Variants in DNAJC15 observed in about 807,000 individuals in gnomAD.
The protein encoded by DNAJC15 is DnaJ heat shock protein family (Hsp40) member C15, also known as dnaJ homolog subfamily C member 15.
A neutral mutation model predicts 22.4 loss-of-function variants in DNAJC15; 27 were observed. That is an observed-to-expected ratio of 1.20 (90% confidence interval 0.89 to 1.66). DNAJC15 has a LOEUF of 1.66. Ranked by LOEUF, DNAJC15 falls within the 40% of genes most tolerant of loss-of-function variation. The pLI is 0.00. For synonymous variants in DNAJC15, 79 were observed against 63.2 expected, an observed-to-expected ratio of 1.25 and a Z score of -1.19; for missense variants, 208 against 187.1, an observed-to-expected ratio of 1.11 and a Z score of -0.65.
At chr13:43,075,169 T>C (rs2040627730) in intron 3 of DNAJC15, among the ~76,000 whole-genome samples, 1 of 152,166 alleles carries the variant, frequency 6.6e-6, no homozygotes, top group Non-Finnish European at 1.5e-5. Flanking sequence ...CTAGATCTTT[T>C]TGGAAGGGTT....
intron 1 of DNAJC15, among the ~76,000 whole-genome samples, chr13:43,056,826 C>G (rs2040533831): frequency 1.3e-5 from 2 of 152,156 alleles, no homozygotes; most frequent in South Asian, 4.1e-4. Flanking sequence ...GTAAGAACAG[C>G]CACTCCTGCT....
At position 43,108,374 on chromosome 13, in the gene DNAJC15, A is replaced by G. The variant is rs1276633544; in HGVS notation, c.*1126A>G. ...AGCCCTGTGACTTACACTGCATTAA[A>G]TTAATTTCTTAGAACATAGTCCCTG... On this transcript the variant is annotated 3_prime_UTR_variant, in exon 6 of 6. Coordinates refer to ENST00000379221, the MANE Select transcript of DNAJC15 (RefSeq NM_013238.3). 2 of 152,192 alleles carry G rather than the reference A, an allele frequency of 1.3e-5. No homozygotes were observed. Among genetic ancestry groups the G allele is most frequent in the African/African-American group, 4.8e-5 (2 of 41,458 alleles). 9.4% of individuals were successfully genotyped at this position (152,192 alleles called of 1,614,324 possible). A position where few individuals can be genotyped will look rare whatever the true frequency, so the allele number is the denominator to read the frequency against.
In DNAJC15 at chr13:43,023,754, C is replaced by G. The variant is rs1228848298; in HGVS notation, c.108+20C>G. On this transcript the variant is annotated intron_variant, in intron 1 of 5. Coordinates refer to ENST00000379221, the MANE Select transcript of DNAJC15 (RefSeq NM_013238.3). ...AGACTGGTGAGTCCTGCCAGCGGCC[C>G]CCACCCCTCTCTGGCTCCCTTGTAG... 1.9e-6 allele frequency: 3 copies of G among 1,589,116 alleles called. No individual in the cohort carries two copies. The highest frequency in any genetic ancestry group is 1.7e-6 in the Non-Finnish European group (2 of 1,167,888).
intron 1 of DNAJC15, among the ~76,000 whole-genome samples, chr13:43,034,073 A>G (rs900789483): frequency 6.6e-6 from 1 of 151,386 alleles, no homozygotes; most frequent in Non-Finnish European, 1.5e-5. Context: ...TCATCACATC[A>G]TATGAAGTGT....
intron 1 of DNAJC15, among the ~76,000 whole-genome samples, chr13:43,052,949 TC>T (rs1415791025): frequency 6.6e-6 from 1 of 152,198 alleles, no homozygotes; most frequent in Non-Finnish European, 1.5e-5. Flanking sequence ...GGCTTTTTGA[TC>T]ATTCAGGAGC....
chr13:43,027,992 T>C (rs963575252), intron 1 of DNAJC15, among the ~76,000 whole-genome samples: 2 of 152,180 alleles, frequency 1.3e-5, no homozygotes, highest in Non-Finnish European at 2.9e-5. Flanking sequence ...TACACCATAA[T>C]GGGAGGCTAG....
chr13:43,089,487 A>G (rs1219051410), intron 5 of DNAJC15, among the ~76,000 whole-genome samples: 1 of 152,218 alleles, frequency 6.6e-6, no homozygotes, highest in African/African-American at 2.4e-5. Context: ...GTACAGGATG[A>G]GAAGGAGCTA....
At chr13:43,048,919 A>G (rs1427563406) in intron 1 of DNAJC15, among the ~76,000 whole-genome samples, 2 of 152,140 alleles carry the variant, frequency 1.3e-5, no homozygotes, top group African/African-American at 4.8e-5. Context: ...GTCAGATAAA[A>G]TGTTTCAAAA....
At chr13:43,054,074 G>A (rs926009795) in intron 1 of DNAJC15, among the ~76,000 whole-genome samples, 2 of 152,154 alleles carry the variant, frequency 1.3e-5, no homozygotes, top group Non-Finnish European at 2.9e-5. Flanking sequence ...CCTAAGGTAT[G>A]TTCCTTCTAT....
rs1593329193 is a variant in DNAJC15, at chr13:43,091,801, T to C, written c.382+5963T>C. Among the ~76,000 whole-genome samples, 3 of 152,310 alleles carry C rather than the reference T, an allele frequency of 2.0e-5. No homozygotes were observed. The South Asian group carries it at 6.2e-4, about 32-fold the overall frequency. On this transcript the variant is annotated intron_variant, in intron 5 of 5. Transcript: ENST00000379221. ...TTTTTTTTCTTTGACCTGTGTGTTA[T>C]TTGACATGCATTCCCTCATTTTTTA...
intron 1 of DNAJC15, among the ~76,000 whole-genome samples, chr13:43,046,256 A>T (rs1163426759): frequency 2.0e-5 from 3 of 152,018 alleles, no homozygotes; most frequent in African/African-American, 7.3e-5. Flanking sequence ...CTGGTCCAGG[A>T]TATTTTGAAG....
rs2040825878 is a variant in DNAJC15, at chr13:43,111,783, A to T, written c.*4535A>T. ...CTGGCTGCAAGGAGGATTTGATGGG[A>T]ATGAGTAAATGTGTCAGCATAGTCC... On this transcript the variant is annotated 3_prime_UTR_variant, in exon 6 of 6. Transcript: ENST00000379221. 6.6e-6 allele frequency: 1 copy of T among 152,200 alleles called. No homozygotes were observed. The allele number at this position is 152,200 out of a possible 1,614,324, so 9.4% of individuals were successfully genotyped here.
In DNAJC15 at chr13:43,107,924, T is replaced by G. The variant is rs1315825697; in HGVS notation, c.*676T>G. 1 of 152,488 alleles carries G rather than the reference T, an allele frequency of 6.6e-6. No individual in the cohort carries two copies. Among genetic ancestry groups the G allele is most frequent in the Non-Finnish European group, 1.5e-5 (1 of 67,996 alleles). The allele number at this position is 152,488 out of a possible 1,614,324, so 9.4% of individuals were successfully genotyped here. ...AGAAGTCTGAGGAGTTTGTATTTAA[T>G]TATAGTCTTCCAGTACTGTATATTC... On this transcript the variant is annotated 3_prime_UTR_variant, in exon 6 of 6. Coordinates refer to ENST00000379221, the MANE Select transcript of DNAJC15 (RefSeq NM_013238.3).
intron 1 of DNAJC15, among the ~76,000 whole-genome samples, chr13:43,029,718 A>G (rs1397537175): frequency 6.6e-6 from 1 of 152,090 alleles, no homozygotes; most frequent in Admixed American, 6.5e-5. Flanking sequence ...GATACCTGAC[A>G]TGGCCCATTT....
At chr13:43,099,315 A>T (rs1234389603) in intron 5 of DNAJC15, among the ~76,000 whole-genome samples, 2 of 152,192 alleles carry the variant, frequency 1.3e-5, no homozygotes, top group Non-Finnish European at 2.9e-5. Flanking sequence ...AGTATACAAG[A>T]TCATGTCACC....
chr13:43,109,062 G>T lies in DNAJC15; in HGVS notation c.*1814G>T, dbSNP rs1245609805. 1 of 152,118 alleles carries T rather than the reference G, an allele frequency of 6.6e-6. No homozygotes were observed. The highest frequency in any genetic ancestry group is 2.4e-5 in the African/African-American group (1 of 41,428). 9.4% of individuals were successfully genotyped at this position (152,118 alleles called of 1,614,324 possible). A position where few individuals can be genotyped will look rare whatever the true frequency, so the allele number is the denominator to read the frequency against. ...GCTAAAATGTATCCCTCTTTTTCTG[G>T]TACATGCAGCAAAAGTAATATGAAT... On this transcript the variant is annotated 3_prime_UTR_variant, in exon 6 of 6. Transcript: ENST00000379221.
In DNAJC15 at chr13:43,065,536, GAC is replaced by G. The variant is rs147036778; in HGVS notation, c.109-147_109-146del. On this transcript the variant is annotated intron_variant, in intron 1 of 5. Transcript: ENST00000379221. ...AGTGAGCAGCAGATATAATCCCATA[GAC>G]ACTGCATATTTTTTTAAGTCCTGAT... 693 of 606,196 alleles carry G rather than the reference GAC, an allele frequency of 1.1e-3. 12 individuals are homozygous for G. The East Asian group carries it at 0.016, about 14-fold the overall frequency. The allele number at this position is 606,196 out of a possible 1,614,324, so 37.6% of individuals were successfully genotyped here.
chr13:43,088,585 T>G (rs1036885581), intron 5 of DNAJC15, among the ~76,000 whole-genome samples: 1 of 152,170 alleles, frequency 6.6e-6, no homozygotes, highest in African/African-American at 2.4e-5. Flanking sequence ...TTCTCACACT[T>G]CCTTATTAGA....
At chr13:43,031,977 G>A (rs1158801893) in intron 1 of DNAJC15, among the ~76,000 whole-genome samples, 1 of 152,238 alleles carries the variant, frequency 6.6e-6, no homozygotes, top group East Asian at 1.9e-4. Flanking sequence ...AAGCAATCCA[G>A]AGATTGGGAA....
Sources: gnomAD v4.1 joint callset for allele counts (sites outside exome capture counted in the v4.1 genomes callset) on GRCh38, gnomAD v4.1.1 for gene constraint, MANE v1.5 for transcripts, NCBI Gene and HGNC (gene_info 2026-07-23, HGNC 2026-07-21) for gene names.